The following TMPRSS15 variants were observed in gnomAD, a reference collection of about 807,000 sequenced individuals.
TMPRSS15 encodes the protein transmembrane serine protease 15, also known as enteropeptidase.
A neutral mutation model predicts 125.3 loss-of-function variants in TMPRSS15; 128 were observed. The observed-to-expected ratio is 1.02, with a 90% CI of 0.89 to 1.18. TMPRSS15 has a LOEUF of 1.18. Ranked by LOEUF, TMPRSS15 falls within the 50% of genes most tolerant of loss-of-function variation. TMPRSS15 has a pLI of 0.00. For missense variants in TMPRSS15, 1,283 were observed against 1,212.7 expected, an observed-to-expected ratio of 1.06 and a Z score of -0.86; for synonymous variants, 446 against 423.2, an observed-to-expected ratio of 1.05 and a Z score of -0.66.
At chr21:18,460,740 A>T (rs1244837426) in intron 1 of TMPRSS15, 2 of 152,170 alleles carry the variant, frequency 1.3e-5, no homozygotes, top group Non-Finnish European at 2.9e-5. Context: ...AACTGATTGG[A>T]TGAGACTCAT....
chr21:18,341,637 T>C, intron 12 of TMPRSS15, 89 bp from the exon 13 acceptor site: 2 of 1,376,860 alleles, frequency 1.5e-6, no homozygotes, highest in African/African-American at 1.4e-5. Flanking sequence ...AGATTCAATA[T>C]TGTCTAGAGA....
chr21:18,376,174 C>G (rs999197856), intron 5 of TMPRSS15, among the ~76,000 whole-genome samples: 1 of 149,128 alleles, frequency 6.7e-6, no homozygotes, highest in African/African-American at 2.5e-5. Context: ...TACAGAAATT[C>G]TCATTTACTG....
At chr21:18,278,924 GTTTTTTTTTT>G (rs59972471) in intron 23 of TMPRSS15, 30 bp downstream of exon 23, 7 of 440,152 alleles carry the variant, frequency 1.6e-5, no homozygotes, top group African/African-American at 9.8e-5. Context: ...CACCAGTAAG[GTTTTTTTTTT>G]TTTTTTTTTT....
At chr21:18,370,917 G>A (rs1282245329) in intron 6 of TMPRSS15, among the ~76,000 whole-genome samples, 2 of 152,134 alleles carry the variant, frequency 1.3e-5, no homozygotes, top group East Asian at 1.9e-4. Flanking sequence ...ATAGAAAAGT[G>A]TAGCAAATAG....
chr21:18,344,596 A>C (rs1050918864), intron 10 of TMPRSS15, among the ~76,000 whole-genome samples: 2 of 152,210 alleles, frequency 1.3e-5, no homozygotes, highest in African/African-American at 4.8e-5. Flanking sequence ...TATGAACGAT[A>C]AGTAATCAGA....
At chr21:18,328,034 C>A (rs150516270) in intron 15 of TMPRSS15, among the ~76,000 whole-genome samples, 164 of 152,142 alleles carry the variant, frequency 1.1e-3, no homozygotes, top group African/African-American at 3.8e-3. Flanking sequence ...GCCTGGGTGA[C>A]AGAGCGAGGC....
At chr21:18,444,011 G>T (rs1052080186) in intron 1 of TMPRSS15, among the ~76,000 whole-genome samples, 1 of 152,118 alleles carries the variant, frequency 6.6e-6, no homozygotes, top group Admixed American at 6.5e-5. Flanking sequence ...AACTTGGCTG[G>T]CAGGCACAGC....
At chr21:18,313,883 C>G (rs1280638827) in intron 17 of TMPRSS15, among the ~76,000 whole-genome samples, 2 of 130,826 alleles carry the variant, frequency 1.5e-5, no homozygotes, top group Non-Finnish European at 3.1e-5. Context: ...TTTAGGAATT[C>G]CCTCCCCACC....
chr21:18,479,293 A>G (rs1026478106), intron 1 of TMPRSS15, among the ~76,000 whole-genome samples: 2 of 152,010 alleles, frequency 1.3e-5, no homozygotes, highest in African/African-American at 4.8e-5. Context: ...ACAAATGCAT[A>G]TACACTAATT....
chr21:18,396,800 G>GTCTATCTATCTA (rs1324901762), intron 3 of TMPRSS15, among the ~76,000 whole-genome samples: 2 of 67,784 alleles, frequency 3.0e-5, no homozygotes, highest in Non-Finnish European at 5.6e-5. Flanking sequence ...AAATCTGTCT[G>GTCTATCTATCTA]TCTGTCTGTC....
chr21:18,372,974 T>A (rs76430134), intron 5 of TMPRSS15, among the ~76,000 whole-genome samples: 2 of 152,352 alleles, frequency 1.3e-5, no homozygotes, highest in East Asian at 1.9e-4. Context: ...TATTCTTATA[T>A]GCCTACAAGA....
intron 16 of TMPRSS15, among the ~76,000 whole-genome samples, chr21:18,317,702 TTGTGTG>T (rs952006854): frequency 2.7e-3 from 413 of 151,390 alleles, no homozygotes; most frequent in African/African-American, 9.5e-3. Flanking sequence ...ATGTGTGTGT[TTGTGTG>T]TGTGTGTGTA....
At chr21:18,344,891 AT>A in intron 10 of TMPRSS15, among the ~76,000 whole-genome samples, 1 of 152,334 alleles carries the variant, frequency 6.6e-6, no homozygotes. Flanking sequence ...TTGGAATGCA[AT>A]TTTTTATGAG....
chr21:18,308,933 T>A (rs1318808493), intron 18 of TMPRSS15, among the ~76,000 whole-genome samples: 1 of 152,236 alleles, frequency 6.6e-6, no homozygotes, highest in Non-Finnish European at 1.5e-5. Flanking sequence ...TATCCTTTTT[T>A]ATTGCTGCGT....
At chr21:18,439,547 C>CT (rs1413113709) in intron 1 of TMPRSS15, among the ~76,000 whole-genome samples, 1 of 152,118 alleles carries the variant, frequency 6.6e-6, no homozygotes, top group African/African-American at 2.4e-5. Flanking sequence ...AACTTTTATA[C>CT]TAACTGCATT....
chr21:18,446,323 A>T (rs9976824), intron 1 of TMPRSS15, among the ~76,000 whole-genome samples: 9,570 of 152,262 alleles, frequency 0.063, 588 homozygotes, highest in East Asian at 0.17. Context: ...AAATCAAAAG[A>T]TAGTCCATGT....
intron 1 of TMPRSS15, among the ~76,000 whole-genome samples, chr21:18,440,802 T>C (rs747432096): frequency 1.8e-4 from 28 of 152,214 alleles, no homozygotes; most frequent in Non-Finnish European, 2.8e-4. Context: ...TAGTATCTTT[T>C]ATAACATTCT....
chr21:18,355,617 G>A (rs187783896), intron 8 of TMPRSS15, among the ~76,000 whole-genome samples: 8 of 151,880 alleles, frequency 5.3e-5, no homozygotes, highest in Admixed American at 1.3e-4. Flanking sequence ...TCCAGCATCA[G>A]TATTTGATTG....
intron 12 of TMPRSS15, among the ~76,000 whole-genome samples, chr21:18,342,522 A>T (rs2075459254): frequency 6.6e-6 from 1 of 152,222 alleles, no homozygotes; most frequent in Non-Finnish European, 1.5e-5. Context: ...GAGCTGTGAG[A>T]AACTGGATCC....
Sources: allele counts gnomAD v4.1 joint callset (sites outside exome capture counted in the v4.1 genomes callset), GRCh38; gene constraint gnomAD v4.1.1; transcripts MANE v1.5; gene names NCBI Gene and HGNC (gene_info 2026-07-23, HGNC 2026-07-21).